Variants in MBOAT2 observed in about 807,000 individuals in gnomAD.
The protein encoded by MBOAT2 is membrane bound glycerophospholipid O-acyltransferase 2, also known as membrane-bound glycerophospholipid O-acyltransferase 2.
In MBOAT2, 28 loss-of-function variants were observed where a neutral mutation model predicts 63.4. The ratio of observed to expected loss-of-function variants is 0.44; its 90% CI spans 0.33 to 0.61. The LOEUF (loss-of-function observed/expected upper bound fraction) is 0.61. MBOAT2 is among the 20% of genes least tolerant of loss of function. The pLI is 0.03. For missense variants in MBOAT2, 470 were observed against 605.8 expected, an observed-to-expected ratio of 0.78 and a Z score of 2.35; for synonymous variants, 211 against 215.6, an observed-to-expected ratio of 0.98 and a Z score of 0.19.
chr2:8,863,839 T>C (rs192143943), intron 10 of MBOAT2, among the ~76,000 whole-genome samples: 1 of 152,224 alleles, frequency 6.6e-6, no homozygotes, highest in Admixed American at 6.5e-5. Context: ...GTGCAGGCAC[T>C]TGTTAATTTA....
chr2:8,943,306 C>A, intron 2 of MBOAT2, 42 bp from the exon 3 acceptor site: 2 of 1,211,496 alleles, frequency 1.7e-6, no homozygotes, highest in South Asian at 3.0e-5. Flanking sequence ...GATGCCAAGT[C>A]ACAAACATCA....
chr2:8,938,334 C>A (rs887677538), intron 3 of MBOAT2, among the ~76,000 whole-genome samples: 2 of 152,026 alleles, frequency 1.3e-5, no homozygotes, highest in Admixed American at 1.3e-4. Flanking sequence ...AACAGTGTCA[C>A]CCCACCCCCA....
intron 4 of MBOAT2, among the ~76,000 whole-genome samples, chr2:8,891,841 T>C (rs1405734295): frequency 6.6e-6 from 1 of 152,172 alleles, no homozygotes; most frequent in Non-Finnish European, 1.5e-5. Flanking sequence ...ACAACATTAG[T>C]ATATTTAAGT....
intron 4 of MBOAT2, among the ~76,000 whole-genome samples, chr2:8,901,359 C>G (rs1186446722): frequency 6.6e-6 from 1 of 152,136 alleles, no homozygotes; most frequent in Non-Finnish European, 1.5e-5. Context: ...CCGACGCATT[C>G]TCAAAAACGT....
intron 4 of MBOAT2, among the ~76,000 whole-genome samples, chr2:8,901,767 G>T (rs1573003634): frequency 6.6e-6 from 1 of 152,278 alleles, no homozygotes; most frequent in East Asian, 1.9e-4. Context: ...GTGAGCCCGG[G>T]TGCCTAAAGA....
chr2:8,926,927 T>C (rs1261167822), intron 3 of MBOAT2, among the ~76,000 whole-genome samples: 1 of 152,208 alleles, frequency 6.6e-6, no homozygotes, highest in Non-Finnish European at 1.5e-5. Context: ...TGCCCCGGGC[T>C]GCTCTAAATG....
At chr2:8,889,927 G>A (rs1455132929) in intron 4 of MBOAT2, among the ~76,000 whole-genome samples, 1 of 152,188 alleles carries the variant, frequency 6.6e-6, no homozygotes, top group Non-Finnish European at 1.5e-5. Context: ...AAACTCTTAT[G>A]AAAGTAAGCT....
intron 1 of MBOAT2, among the ~76,000 whole-genome samples, chr2:9,001,606 T>C (rs1348177735): frequency 5.3e-5 from 8 of 152,194 alleles, no homozygotes; most frequent in Non-Finnish European, 1.2e-4. Context: ...AGTCCCAAGG[T>C]ACCAACTTAA....
chr2:8,882,023 C>T (rs1188356746), intron 6 of MBOAT2, among the ~76,000 whole-genome samples: 1 of 152,048 alleles, frequency 6.6e-6, no homozygotes, highest in Non-Finnish European at 1.5e-5. Flanking sequence ...GAAGCTTATC[C>T]CAGAATGAAT....
Position 8,860,763 on chromosome 2 carries a change from A to C in MBOAT2, c.1187T>G (p.Met396Arg). The change falls in exon 12 of 13, where the codon ATG becomes AGG. Residue 396 changes from methionine to arginine, a missense_variant and splice_region_variant. By Grantham distance (91) the Met-to-Arg change is moderately conservative. Around this residue, in one of 3 missense-constraint regions of MBOAT2, gnomAD observed 376 missense variants for 503.8 expected, o/e 0.75. Transcript: ENST00000305997. ...GVLMTLAARAMRNNFRHYFIE... is the reference protein window; with the variant it reads ...GVLMTLAARARRNNFRHYFIE... ...GAAATAATGTCTAAAGTTATTTCTC[A>C]TCTGAAATAAAGAAACAAAAACATT... 1 of 1,564,792 alleles carries C rather than the reference A, an allele frequency of 6.4e-7. No individual in the cohort carries two copies. Among genetic ancestry groups the C allele is most frequent in the Non-Finnish European group, 8.7e-7 (1 of 1,144,586 alleles).
At chr2:8,952,680 AG>A (rs1050529939) in intron 2 of MBOAT2, among the ~76,000 whole-genome samples, 5 of 151,758 alleles carry the variant, frequency 3.3e-5, no homozygotes, top group Admixed American at 2.6e-4. Flanking sequence ...AATTTTATCC[AG>A]GTAGAATTGT....
At position 8,858,639 on chromosome 2, in the gene MBOAT2, T is replaced by C; in HGVS notation, c.*40A>G. 6.8e-7 allele frequency: 1 copy of C among 1,465,382 alleles called. No homozygotes were observed. The allele number at this position is 1,465,382 out of a possible 1,614,324, so 90.8% of individuals were successfully genotyped here. On this transcript the variant is annotated 3_prime_UTR_variant, in exon 13 of 13. Transcript: ENST00000305997. ...AAAAGGTGCTAAGATTGGTTTCTGT[T>C]AACATCAAAAAAAAAAAACAGCCCT... is the stretch of plus-strand genomic sequence containing the variant.
intron 3 of MBOAT2, among the ~76,000 whole-genome samples, chr2:8,936,281 G>T (rs1246968769): frequency 6.6e-6 from 1 of 152,154 alleles, no homozygotes; most frequent in African/African-American, 2.4e-5. Context: ...ATTTCAGAGG[G>T]TAAGGAGCCC....
At chr2:8,982,873 T>C (rs1209271701) in intron 1 of MBOAT2, among the ~76,000 whole-genome samples, 1 of 152,154 alleles carries the variant, frequency 6.6e-6, no homozygotes, top group Non-Finnish European at 1.5e-5. Context: ...ATTTCCTAAT[T>C]ACTTTTCCAT....
chr2:8,956,495 G>A (rs898943062), intron 2 of MBOAT2, among the ~76,000 whole-genome samples: 4 of 152,132 alleles, frequency 2.6e-5, no homozygotes, highest in African/African-American at 9.7e-5. Flanking sequence ...GAGTCTGGGA[G>A]TTCAACACCA....
At chr2:8,880,629 G>A (rs890976860) in intron 6 of MBOAT2, among the ~76,000 whole-genome samples, 7 of 152,214 alleles carry the variant, frequency 4.6e-5, no homozygotes, top group Admixed American at 2.0e-4. Flanking sequence ...TGGAGAAAAC[G>A]AAGTCCAGGG....
At chr2:8,970,899 A>G (rs1258415334) in intron 1 of MBOAT2, among the ~76,000 whole-genome samples, 1 of 152,164 alleles carries the variant, frequency 6.6e-6, no homozygotes, top group African/African-American at 2.4e-5. Context: ...CAACCAAAAA[A>G]AGTCCAGACA....
At chr2:8,926,953 G>C (rs1266970376) in intron 3 of MBOAT2, among the ~76,000 whole-genome samples, 1 of 152,190 alleles carries the variant, frequency 6.6e-6, no homozygotes, top group Admixed American at 6.5e-5. Flanking sequence ...CAAATCTCAA[G>C]TCCTCAAAAC....
At position 8,856,312 on chromosome 2, in the gene MBOAT2, A is replaced by AACACACACAC. The variant is rs34746738; in HGVS notation, c.*2357_*2366dup. The AACACACACAC allele has an allele frequency of 7.0e-6, 1 of 143,738 alleles. No individual in the cohort carries two copies. The highest frequency in any genetic ancestry group is 1.5e-5 in the Non-Finnish European group (1 of 66,360). The allele number at this position is 143,738 out of a possible 1,614,324, so 8.9% of individuals were successfully genotyped here. ...GGCTAGATAGGCTGAACCAAAAAAA[A>AACACACACAC]ACACACACACACACACACACACACA... is the stretch of plus-strand genomic sequence containing the variant. On this transcript the variant is annotated 3_prime_UTR_variant, in exon 13 of 13. Coordinates refer to ENST00000305997, the MANE Select transcript of MBOAT2 (RefSeq NM_138799.4). The surrounding 1 kb of genome is among the most constrained non-coding windows in gnomAD (Gnocchi z 4.2).
Sources: gnomAD v4.1 joint callset for allele counts (sites outside exome capture counted in the v4.1 genomes callset) on GRCh38, gnomAD v4.1.1 for gene constraint, gnomAD v4.1.1 regional missense constraint, Gnocchi (gnomAD v3.1) non-coding constraint, MANE v1.5 for transcripts, NCBI Gene and HGNC (gene_info 2026-07-23, HGNC 2026-07-21) for gene names.